The following SLIT3 variants were observed in gnomAD, a reference collection of about 807,000 sequenced individuals.
The protein encoded by SLIT3 is slit homolog 3 protein.
SLIT3 carries 68 observed loss-of-function variants against 184.0 expected under a neutral mutation model. The observed-to-expected ratio is 0.37, with a 90% CI of 0.30 to 0.45. The LOEUF (loss-of-function observed/expected upper bound fraction) is 0.45. SLIT3 is among the 20% of genes least tolerant of loss of function. The pLI, the probability that SLIT3 is intolerant of heterozygous loss-of-function variation, is 1.00. For missense variants in SLIT3, 1,707 were observed against 2,026.0 expected, an observed-to-expected ratio of 0.84 and a Z score of 3.02; for synonymous variants, 831 against 828.6, an observed-to-expected ratio of 1.00 and a Z score of -0.05.
At chr5:168,972,308 G>A (rs1754601351) in intron 4 of SLIT3, among the ~76,000 whole-genome samples, 1 of 137,576 alleles carries the variant, frequency 7.3e-6, no homozygotes, top group Non-Finnish European at 1.6e-5. Flanking sequence ...GATTCAACCT[G>A]GCTTGTTGAT....
At chr5:168,745,216 G>C (rs956561719) in intron 20 of SLIT3, among the ~76,000 whole-genome samples, 5 of 152,204 alleles carry the variant, frequency 3.3e-5, no homozygotes, top group Non-Finnish European at 7.3e-5. Context: ...AGATGTGACT[G>C]AATTGCTGCA....
chr5:169,234,948 A>G (rs1001343610), intron 3 of SLIT3, among the ~76,000 whole-genome samples: 5 of 152,228 alleles, frequency 3.3e-5, no homozygotes, highest in Non-Finnish European at 7.3e-5. Flanking sequence ...CTCTGATTGA[A>G]TGCTTAAGGA....
intron 9 of SLIT3, among the ~76,000 whole-genome samples, chr5:168,799,489 T>TTG (rs1163877041): frequency 6.6e-6 from 1 of 152,234 alleles, no homozygotes; most frequent in Non-Finnish European, 1.5e-5. Flanking sequence ...TTTCAGCCAT[T>TTG]TGTGCTCTGT....
chr5:168,669,986 T>A lies in SLIT3; in HGVS notation c.4133A>T (p.His1378Leu). Residue 1378 changes from histidine to leucine, a missense_variant, in exon 35 of 36, where the codon CAC becomes CTC. Physicochemically the swap from His to Leu is moderately conservative, Grantham distance 99. This residue lies in a region of SLIT3 where 387 missense variants were observed against 477.9 expected (regional missense o/e 0.81). Transcript: ENST00000519560. ...ARDPCLGHRCHHGKCVATGTS... is the reference protein window; with the variant it reads ...ARDPCLGHRCLHGKCVATGTS... The stretch of plus-strand genomic sequence containing the variant: ...CCCAGTTGCCACACATTTTCCATGG[T>A]GGCATCTAGGGGCAGAGAGGAGGAT... 6.2e-7 allele frequency: 1 copy of A among 1,613,628 alleles called. No homozygotes were observed.
intron 4 of SLIT3, among the ~76,000 whole-genome samples, chr5:168,971,704 C>T (rs141810695): frequency 8.6e-4 from 131 of 152,350 alleles, no homozygotes; most frequent in Admixed American, 1.6e-3. Context: ...CAGATGTCCA[C>T]AGCAAGTAAG....
At chr5:168,857,685 C>T (rs1758936582) in intron 5 of SLIT3, among the ~76,000 whole-genome samples, 1 of 152,154 alleles carries the variant, frequency 6.6e-6, no homozygotes, top group Non-Finnish European at 1.5e-5. Context: ...TAATGCAGTA[C>T]ATTGAGAATG....
intron 4 of SLIT3, among the ~76,000 whole-genome samples, chr5:169,073,373 C>T (rs1224969529): frequency 6.6e-6 from 1 of 151,992 alleles, no homozygotes; most frequent in African/African-American, 2.4e-5. Context: ...TTACACAAGC[C>T]CTCATCCTCA....
At chr5:168,737,779 C>T (rs1009516104) in intron 20 of SLIT3, among the ~76,000 whole-genome samples, 2 of 152,284 alleles carry the variant, frequency 1.3e-5, no homozygotes, top group Admixed American at 1.3e-4. Flanking sequence ...GTTTCCAGAA[C>T]CAGGAAACCT....
intron 4 of SLIT3, among the ~76,000 whole-genome samples, chr5:169,040,146 T>G (rs17666992): frequency 0.12 from 19,008 of 152,194 alleles, 1,514 homozygotes; most frequent in East Asian, 0.42. Context: ...CATCCAGGGT[T>G]TCATTCAACT....
At chr5:169,210,291 C>T (rs1258049223) in intron 3 of SLIT3, among the ~76,000 whole-genome samples, 1 of 152,048 alleles carries the variant, frequency 6.6e-6, no homozygotes, top group Admixed American at 6.5e-5. Flanking sequence ...TCCAATCTCT[C>T]AAGATTTCAG....
At chr5:168,737,751 G>A (rs1581021826) in intron 20 of SLIT3, among the ~76,000 whole-genome samples, 1 of 152,214 alleles carries the variant, frequency 6.6e-6, no homozygotes, top group Non-Finnish European at 1.5e-5. Context: ...TTATGAAGAT[G>A]TAGGCTTTGC....
chr5:168,740,956 G>A (rs536322049), intron 20 of SLIT3, among the ~76,000 whole-genome samples: 40 of 152,220 alleles, frequency 2.6e-4, no homozygotes, highest in Admixed American at 3.3e-4. Context: ...CTGCAGCCCC[G>A]TCCCATGGCA....
At chr5:169,230,589 C>G (rs1474528450) in intron 3 of SLIT3, among the ~76,000 whole-genome samples, 1 of 152,182 alleles carries the variant, frequency 6.6e-6, no homozygotes, top group Non-Finnish European at 1.5e-5. Flanking sequence ...AGCTAACACA[C>G]CAAGGCAACT....
chr5:169,161,935 A>G (rs941757234), intron 4 of SLIT3, among the ~76,000 whole-genome samples: 4 of 152,220 alleles, frequency 2.6e-5, no homozygotes, highest in Non-Finnish European at 5.9e-5. Context: ...ACTACTACCT[A>G]GCCTTGTTAT....
intron 4 of SLIT3, among the ~76,000 whole-genome samples, chr5:168,944,942 C>T (rs1762427495): frequency 6.6e-6 from 1 of 152,118 alleles, no homozygotes; most frequent in Non-Finnish European, 1.5e-5. Context: ...TCCAGTTGTC[C>T]ACAGGTTGCT....
intron 4 of SLIT3, among the ~76,000 whole-genome samples, chr5:168,943,199 G>A (rs1762377304): frequency 6.6e-6 from 1 of 152,144 alleles, no homozygotes; most frequent in Non-Finnish European, 1.5e-5. Context: ...CCTAAAGTAG[G>A]ACAAACTGTA....
Position 168,724,431 on chromosome 5 carries a change from C to T in SLIT3, c.2324G>A (p.Arg775Gln), listed in dbSNP as rs561553750. The T allele has an allele frequency of 2.5e-4, 406 of 1,612,616 alleles. No homozygotes were observed. Among genetic ancestry groups the T allele is most frequent in the Non-Finnish European group, 3.2e-4 (373 of 1,179,088 alleles). ...GGCTCCTTACATAAGCGTCAGGTGT[C>T]GGAGGGCGGACAGCTCTCTGGGCAC... ...TAVPRELSAL[R>Q]HLTLIDLSNN... The change falls in exon 21 of 36, where the codon CGA becomes CAA. Residue 775 changes from arginine (R) to glutamine (Q), a missense_variant. Physicochemically the swap from Arg to Gln is conservative, Grantham distance 43. This residue lies in a region of SLIT3 where 1,307 missense variants were observed against 1,511.6 expected (regional missense o/e 0.86). Transcript: ENST00000519560.
At chr5:168,673,952 C>G (rs964241106) in intron 32 of SLIT3, among the ~76,000 whole-genome samples, 13 of 152,212 alleles carry the variant, frequency 8.5e-5, no homozygotes, top group Admixed American at 6.5e-4. Flanking sequence ...ACTCAACACG[C>G]TTGTTCTTTT....
intron 4 of SLIT3, among the ~76,000 whole-genome samples, chr5:169,132,318 G>T (rs1319634414): frequency 1.3e-5 from 2 of 151,222 alleles, no homozygotes; most frequent in Non-Finnish European, 2.9e-5. Flanking sequence ...GGGCCTGAAA[G>T]AGAGGAAAAA....
Sources: gnomAD v4.1 joint callset for allele counts (sites outside exome capture counted in the v4.1 genomes callset) on GRCh38, gnomAD v4.1.1 for gene constraint, gnomAD v4.1.1 regional missense constraint, MANE v1.5 for transcripts, NCBI Gene and HGNC (gene_info 2026-07-23, HGNC 2026-07-21) for gene names.